XYLT1: variants seen among roughly 807,000 people sequenced by gnomAD.
XYLT1 encodes the protein beta-D-xylosyltransferase 1.
XYLT1 carries 36 observed loss-of-function variants against 91.3 expected under a neutral mutation model. The ratio of observed to expected loss-of-function variants is 0.39; its 90% CI spans 0.30 to 0.52. XYLT1 has a LOEUF of 0.52. Ranked by LOEUF, XYLT1 falls within the 20% of genes least tolerant of loss-of-function variation. The pLI, the probability that XYLT1 is intolerant of heterozygous loss-of-function variation, is 0.68. For missense variants in XYLT1, 1,242 were observed against 1,284.5 expected, an observed-to-expected ratio of 0.97 and a Z score of 0.51; for synonymous variants, 588 against 532.0, an observed-to-expected ratio of 1.11 and a Z score of -1.45.
chr16:17,251,630 C>G (rs892252326), intron 3 of XYLT1, among the ~76,000 whole-genome samples: 1 of 152,178 alleles, frequency 6.6e-6, no homozygotes, highest in Non-Finnish European at 1.5e-5. Context: ...GGCCACTGCA[C>G]GGAGGGCGCT....
chr16:17,318,140 T>C (rs2034664556), intron 2 of XYLT1, among the ~76,000 whole-genome samples: 1 of 152,264 alleles, frequency 6.6e-6, no homozygotes, highest in Admixed American at 6.5e-5. Context: ...GATTTCCAGA[T>C]TCCCAGTATA....
At chr16:17,213,820 T>C (rs2141601648) in intron 3 of XYLT1, among the ~76,000 whole-genome samples, 1 of 152,248 alleles carries the variant, frequency 6.6e-6, no homozygotes, top group East Asian at 1.9e-4. Flanking sequence ...GTTTTCACTA[T>C]GTTGGCCAGG....
intron 1 of XYLT1, among the ~76,000 whole-genome samples, chr16:17,423,389 G>A (rs2036273094): frequency 6.6e-6 from 1 of 152,094 alleles, no homozygotes; most frequent in South Asian, 2.1e-4. Flanking sequence ...ATGGCTGGCA[G>A]TAAGGCTCAT....
intron 2 of XYLT1, among the ~76,000 whole-genome samples, chr16:17,341,025 G>C (rs2035057301): frequency 1.3e-5 from 2 of 152,194 alleles, no homozygotes; most frequent in African/African-American, 4.8e-5. Context: ...GCCTTTGAAA[G>C]AGGAAACAGG....
chr16:17,260,032 ATTT>A (rs34476832), intron 2 of XYLT1, among the ~76,000 whole-genome samples: 4,565 of 142,500 alleles, frequency 0.032, 258 homozygotes, highest in African/African-American at 0.11. Context: ...ACCAGCCGCA[ATTT>A]TTTTTTTTTT....
At chr16:17,147,926 T>C (rs1467720386) in intron 6 of XYLT1, among the ~76,000 whole-genome samples, 1 of 152,156 alleles carries the variant, frequency 6.6e-6, no homozygotes, top group African/African-American at 2.4e-5. Context: ...ATAAGCCCCA[T>C]ATACAAAAGG....
intron 5 of XYLT1, among the ~76,000 whole-genome samples, chr16:17,161,317 G>A (rs1041467732): frequency 6.6e-6 from 1 of 152,180 alleles, no homozygotes; most frequent in African/African-American, 2.4e-5. Context: ...ATGAGGAGGG[G>A]GCTGAGGTTT....
intron 3 of XYLT1, among the ~76,000 whole-genome samples, chr16:17,216,045 T>A (rs1253746107): frequency 6.6e-6 from 1 of 152,192 alleles, no homozygotes; most frequent in Non-Finnish European, 1.5e-5. Flanking sequence ...GGGGCCCCCA[T>A]ATCCTGCACT....
intron 3 of XYLT1, among the ~76,000 whole-genome samples, chr16:17,249,412 G>A (rs1169078058): frequency 6.6e-6 from 1 of 152,196 alleles, no homozygotes; most frequent in East Asian, 1.9e-4. Context: ...GGATTATGAT[G>A]TGCCAAGCAC....
intron 2 of XYLT1, among the ~76,000 whole-genome samples, chr16:17,295,695 G>A (rs2034299537): frequency 6.6e-6 from 1 of 152,162 alleles, no homozygotes; most frequent in African/African-American, 2.4e-5. Context: ...TTGACCCACA[G>A]GGGACATCTT....
At chr16:17,153,027 T>TA (rs1421350644) in intron 6 of XYLT1, among the ~76,000 whole-genome samples, 1 of 151,964 alleles carries the variant, frequency 6.6e-6, no homozygotes, top group South Asian at 2.1e-4. Context: ...TTATTGAACA[T>TA]AAGAGTTATT....
intron 1 of XYLT1, among the ~76,000 whole-genome samples, chr16:17,416,238 C>T (rs1035993410): frequency 7.9e-5 from 12 of 152,374 alleles, no homozygotes; most frequent in Middle Eastern, 6.8e-3. Flanking sequence ...ATGCACCCCA[C>T]ATCCCTTCCG....
chr16:17,355,040 C>T (rs6498692), intron 2 of XYLT1: 79,959 of 152,488 alleles, frequency 0.52, 24,376 homozygotes, highest in African/African-American at 0.84. Flanking sequence ...GATGGAGCAT[C>T]GTTTGCAGAC....
chr16:17,339,345 C>T (rs2035033362), intron 2 of XYLT1, among the ~76,000 whole-genome samples: 1 of 152,156 alleles, frequency 6.6e-6, no homozygotes, highest in Non-Finnish European at 1.5e-5. Flanking sequence ...ATTAGCAACA[C>T]CCGAGACTTT....
At chr16:17,110,834 C>T (rs1157647270) in intron 11 of XYLT1, among the ~76,000 whole-genome samples, 1 of 152,116 alleles carries the variant, frequency 6.6e-6, no homozygotes, top group Non-Finnish European at 1.5e-5. Flanking sequence ...TCAAGGCCAT[C>T]ACCAAGGTCT....
At position 17,417,073 on chromosome 16, in the gene XYLT1, T is replaced by C. The variant is rs143749966; in HGVS notation, c.363+53361A>G. Among the ~76,000 whole-genome samples the C allele has an allele frequency of 1.8e-4, 28 of 152,266 alleles. 1 individual carries two copies. The East Asian group carries it at 4.8e-3, about 26-fold the overall frequency. On this transcript the variant is annotated intron_variant, in intron 1 of 11. Transcript: ENST00000261381. ...GCTTGCAAGTTTGAAGGCGTAACTT[T>C]GTAAGCTCAGTTTTGACCCTGGAGG...
intron 1 of XYLT1, among the ~76,000 whole-genome samples, chr16:17,370,756 A>G (rs1242628823): frequency 2.0e-5 from 3 of 152,252 alleles, no homozygotes; most frequent in African/African-American, 7.2e-5. Flanking sequence ...AATACTTCAC[A>G]TTCAGGAGGT....
chr16:17,129,510 C>T (rs1035908701), intron 9 of XYLT1, among the ~76,000 whole-genome samples: 1 of 152,164 alleles, frequency 6.6e-6, no homozygotes, highest in Non-Finnish European at 1.5e-5. Context: ...AAGTGATCCG[C>T]CCGCCTCGGC....
chr16:17,180,382 C>T (rs920264374), intron 5 of XYLT1, among the ~76,000 whole-genome samples: 5 of 152,132 alleles, frequency 3.3e-5, no homozygotes, highest in African/African-American at 7.2e-5. Context: ...AAGATTGACT[C>T]TGTAATCAAA....
Sources: allele counts gnomAD v4.1 joint callset (sites outside exome capture counted in the v4.1 genomes callset), GRCh38; gene constraint gnomAD v4.1.1; transcripts MANE v1.5; gene names NCBI Gene and HGNC (gene_info 2026-07-23, HGNC 2026-07-21).